Variants in NCR1 observed in about 807,000 individuals in gnomAD.
NCR1 encodes natural cytotoxicity triggering receptor 1, also known as NK cell-activating receptor.
A neutral mutation model predicts 32.5 loss-of-function variants in NCR1; 30 were observed. The observed-to-expected ratio is 0.92, with a 90% confidence interval of 0.69 to 1.25. The LOEUF (loss-of-function observed/expected upper bound fraction) is 1.25, where lower values mean the gene tolerates loss of function less well. NCR1 is among the 50% of genes most tolerant of loss of function. The probability of loss-of-function intolerance (pLI) is 0.00; values close to 1 mark genes in which losing one functional copy is unlikely to be tolerated. For missense variants in NCR1, 369 were observed against 380.7 expected (o/e 0.97, Z 0.26); for synonymous variants, 169 against 143.4 (o/e 1.18, Z -1.28).
the NCR1 span, chr19:54,933,755 A>T: frequency 6.2e-7 from 1 of 1,610,814 alleles, no homozygotes; most frequent in Non-Finnish European, 8.5e-7. Flanking sequence ...AAAATATGAA[A>T]CAAATGGTAG....
the NCR1 span, chr19:54,923,994 G>T: frequency 1.9e-6 from 2 of 1,055,526 alleles, no homozygotes; most frequent in Non-Finnish European, 1.4e-6. Context: ...GGGGGACAGG[G>T]TCTTGCTCTG....
At chr19:54,908,818 CGGGGTTT>C (rs900982818) in intron 3 of NCR1, among the ~76,000 whole-genome samples, 4 of 151,756 alleles carry the variant, frequency 2.6e-5, no homozygotes, top group Non-Finnish European at 5.9e-5. Context: ...TTAGTAGAGA[CGGGGTTT>C]CACCATGTTG....
At chr19:54,923,721 T>C in the NCR1 span, 2 of 1,612,258 alleles carry the variant, frequency 1.2e-6, no homozygotes, top group East Asian at 2.2e-5. Context: ...GTGTAATTCG[T>C]AGAGCGATCC....
At chr19:54,930,818 C>A in the NCR1 span, 10 of 699,452 alleles carry the variant, frequency 1.4e-5, no homozygotes, top group Middle Eastern at 7.8e-4. Flanking sequence ...CAGGTTCAAG[C>A]GATTCTTCTG....
chr19:54,899,873 C>T, the NCR1 span, among the ~76,000 whole-genome samples: 54 of 152,216 alleles, frequency 3.5e-4, no homozygotes, highest in East Asian at 3.1e-3. Flanking sequence ...AGTCCATGAC[C>T]GGCGCTGGAG....
the NCR1 span, among the ~76,000 whole-genome samples, chr19:54,935,646 C>T: frequency 0.058 from 8,702 of 150,216 alleles, 603 homozygotes; most frequent in African/African-American, 0.17. Flanking sequence ...TGAACGAGAT[C>T]GCGCCACTGC....
chr19:54,906,232 G>C lies in NCR1; in HGVS notation c.34+11G>C. The C allele has an allele frequency of 1.2e-6, 2 of 1,614,206 alleles. No homozygotes were observed. Among genetic ancestry groups the C allele is most frequent in the Non-Finnish European group, 1.7e-6 (2 of 1,180,044 alleles). On this transcript the variant is annotated intron_variant, in intron 1 of 6. Coordinates refer to ENST00000291890, the MANE Select transcript of NCR1 (RefSeq NM_004829.7). ...CCCTGCTCTGCGTCGGTGAGTTCTG[G>C]CGTGGAAGGGGAATGGGATCACGGT...
the NCR1 span, among the ~76,000 whole-genome samples, chr19:54,921,156 G>A: frequency 2.0e-5 from 3 of 152,128 alleles, no homozygotes; most frequent in South Asian, 4.1e-4. Flanking sequence ...AATTCTACAC[G>A]GGAACTTCAT....
the NCR1 span, among the ~76,000 whole-genome samples, chr19:54,922,078 TAG>T: frequency 6.6e-6 from 1 of 152,142 alleles, no homozygotes; most frequent in African/African-American, 2.4e-5. Flanking sequence ...GTATTTTTAG[TAG>T]AGACGGGGTT....
chr19:54,901,780 C>T (rs1417560374), upstream of NCR1, among the ~76,000 whole-genome samples: 1 of 152,116 alleles, frequency 6.6e-6, no homozygotes, highest in Admixed American at 6.6e-5. Flanking sequence ...CCAGCCTGGC[C>T]AACTTGACGA....
chr19:54,910,427 G>A (rs763909826), intron 5 of NCR1, among the ~76,000 whole-genome samples: 5 of 151,690 alleles, frequency 3.3e-5, no homozygotes, highest in Admixed American at 6.6e-5. Flanking sequence ...AAAATTAGCC[G>A]GGCCTGGTGG....
chr19:54,925,941 A>G, the NCR1 span, among the ~76,000 whole-genome samples: 1 of 151,652 alleles, frequency 6.6e-6, no homozygotes, highest in African/African-American at 2.4e-5. Context: ...TGGAGCTTGC[A>G]GTGAGCCGAG....
upstream of NCR1, among the ~76,000 whole-genome samples, chr19:54,903,527 C>T (rs1210733247): frequency 3.0e-4 from 38 of 126,812 alleles, no homozygotes; most frequent in African/African-American, 1.1e-3. Flanking sequence ...TGTGTGTATA[C>T]ATATATATGC....
chr19:54,919,889 GCTCGCA>G (rs950696068), downstream of NCR1, among the ~76,000 whole-genome samples: 1 of 152,162 alleles, frequency 6.6e-6, no homozygotes, highest in African/African-American at 2.4e-5. Flanking sequence ...ATAACAGAAG[GCTCGCA>G]CTCTTGTCTT....
chr19:54,929,154 A>C, the NCR1 span, among the ~76,000 whole-genome samples: 1 of 151,980 alleles, frequency 6.6e-6, no homozygotes, highest in African/African-American at 2.4e-5. Context: ...GGATCACTTG[A>C]GGTCAGGAGT....
chr19:54,915,006 G>A (rs2068105400), downstream of NCR1, among the ~76,000 whole-genome samples: 1 of 152,100 alleles, frequency 6.6e-6, no homozygotes, highest in Admixed American at 6.6e-5. Flanking sequence ...GCCTCTCAAA[G>A]TGCTAGGATT....
chr19:54,918,588 T>TA (rs1220634763), downstream of NCR1, among the ~76,000 whole-genome samples: 14 of 152,186 alleles, frequency 9.2e-5, no homozygotes, highest in African/African-American at 3.4e-4. Context: ...TGTAGTTTTT[T>TA]ATCTGTGGCC....
the NCR1 span, chr19:54,923,675 T>G: frequency 6.3e-7 from 1 of 1,574,922 alleles, no homozygotes; most frequent in Admixed American, 1.7e-5. Flanking sequence ...TGACCTGCAT[T>G]CATAAGACAT....
At chr19:54,917,504 G>A (rs974537495), downstream of NCR1, among the ~76,000 whole-genome samples, 1 of 151,914 alleles carries the variant, frequency 6.6e-6, no homozygotes, top group Non-Finnish European at 1.5e-5. Context: ...ATTTTTAGTG[G>A]AGATGGGGGT....
Sources: allele counts gnomAD v4.1 joint callset (sites outside exome capture counted in the v4.1 genomes callset), GRCh38; gene constraint gnomAD v4.1.1; transcripts MANE v1.5; gene names NCBI Gene and HGNC (gene_info 2026-07-23, HGNC 2026-07-21).